Variants in MYO15A observed in about 807,000 individuals in gnomAD.
The protein encoded by MYO15A is unconventional myosin-XV.
Under a neutral mutation model 394.6 loss-of-function variants are expected in MYO15A, and 308 were observed. The ratio of observed to expected loss-of-function variants is 0.78; its 90% CI spans 0.71 to 0.86. MYO15A has a LOEUF of 0.86. Among genes scored for constraint, MYO15A ranks in the 40% least tolerant of loss-of-function variants. The pLI, the probability that MYO15A is intolerant of heterozygous loss-of-function variation, is 0.00. For synonymous variants in MYO15A, 1,957 were observed against 2,003.8 expected (o/e 0.98, Z 0.62); for missense variants, 4,606 against 4,799.1 (o/e 0.96, Z 1.19).
At chr17:18,145,690 G>C (rs2046464046) in intron 29 of MYO15A, among the ~76,000 whole-genome samples, 182 bp from the exon 30 acceptor site, 2 of 152,150 alleles carry the variant, frequency 1.3e-5, no homozygotes, top group African/African-American at 4.8e-5. Flanking sequence ...ACTCCAGTCT[G>C]GGTGACAGAG....
intron 62 of MYO15A, among the ~76,000 whole-genome samples, chr17:18,168,456 C>T (rs893741602): frequency 4.0e-5 from 6 of 151,444 alleles, no homozygotes; most frequent in Admixed American, 1.3e-4. Context: ...TCCAGCTACT[C>T]GGGAGGCTGA....
Position 18,151,253 on chromosome 17 carries a change from C to A in MYO15A, c.7617C>A (p.Ala2539=). ...GGCTCCCCATCAAGCCTGTGGCTGC[C>A]CCTGTTCTAGCTCAGGATCAGGCTT... ...APRLPIKPVA[A]PVLAQDQASP... Residue 2539 remains alanine, a synonymous_variant, in exon 39 of 66, where the codon GCC becomes GCA. Transcript: ENST00000647165. The A allele has an allele frequency of 6.2e-7, 1 of 1,614,186 alleles. No individual in the cohort carries two copies. The highest frequency in any genetic ancestry group is 8.5e-7 in the Non-Finnish European group (1 of 1,180,032).
At chr17:18,166,243 G>C in intron 60 of MYO15A, 118 bp from the exon 61 acceptor site, 1 of 1,349,452 alleles carries the variant, frequency 7.4e-7, no homozygotes, top group Admixed American at 1.9e-5. Context: ...CAGGTGGCTT[G>C]TCCGAGGTGA....
rs747856377 is a variant in MYO15A, at chr17:18,146,122, A to T, written c.6509+15A>T. The T allele has an allele frequency of 3.7e-6, 6 of 1,612,588 alleles. No individual in the cohort carries two copies. Among genetic ancestry groups the T allele is most frequent in the Non-Finnish European group, 5.1e-6 (6 of 1,179,322 alleles). On this transcript the variant is annotated intron_variant, in intron 30 of 65. Transcript: ENST00000647165. ...TACCTTCTCAAGTGAGTGGGACTGG[A>T]TAGGGGCTGGGACACGAGGGACGGT...
At chr17:18,141,561 T>A in intron 22 of MYO15A, 92 bp from the exon 23 acceptor site, 1 of 1,243,722 alleles carries the variant, frequency 8.0e-7, no homozygotes, top group South Asian at 1.2e-5. Context: ...ACCAGGCTTT[T>A]TGGACACCTG....
intron 1 of MYO15A, among the ~76,000 whole-genome samples, chr17:18,113,091 A>G (rs561343827): frequency 8.6e-5 from 13 of 151,886 alleles, no homozygotes; most frequent in Non-Finnish European, 1.9e-4. Context: ...TCAGGTAATC[A>G]GCCTACCTTG....
Position 18,121,787 on chromosome 17 carries a change from C to G in MYO15A, c.2987C>G (p.Pro996Arg), listed in dbSNP as rs201087528. ...GTCTTCCTGGGCAGACACCATGAGC[C>G]GGGGCCTGGACAGCTCACCAAATCA... ...TRVFLGRHHE[P>R]GPGQLTKSAG... Residue 996 changes from proline (P) to arginine (R), a missense_variant, in exon 2 of 66, where the codon CCG (proline) becomes CGG (arginine). Transcript: ENST00000647165. This position sits in a 1 kb window ranked among gnomAD's most constrained non-coding sequence, Gnocchi z 5.3. 3.3e-5 allele frequency: 53 copies of G among 1,611,696 alleles called. No homozygotes were observed. The highest frequency in any genetic ancestry group is 3.3e-4 in the Middle Eastern group (2 of 6,082).
At chr17:18,160,088 C>G (rs751734317) in intron 56 of MYO15A, 71 bp downstream of exon 56, 1 of 1,449,636 alleles carries the variant, frequency 6.9e-7, no homozygotes, top group Non-Finnish European at 9.5e-7. Context: ...AGTTCAGCCT[C>G]CCACCTCCTC....
Position 18,169,127 on chromosome 17 carries a change from TAATA to T in MYO15A, c.10082+1406_10082+1409del, listed in dbSNP as rs1161961105. Among the ~76,000 whole-genome samples the T allele has an allele frequency of 2.5e-5, 3 of 122,094 alleles. No homozygotes were observed. The East Asian group carries it at 6.4e-4, about 26-fold the overall frequency. The allele number at this position is 122,094 out of a possible 152,430, so 80.1% of individuals were successfully genotyped here. ...AAACTCCATCTCAAAATAATAATAA[TAATA>T]ATAATAATAATAATAATAATAATAA... On this transcript the variant is annotated intron_variant, in intron 62 of 65. Coordinates refer to ENST00000647165, the MANE Select transcript of MYO15A (RefSeq NM_016239.4).
chr17:18,111,928 C>G (rs1275635546), intron 1 of MYO15A, among the ~76,000 whole-genome samples: 2 of 152,212 alleles, frequency 1.3e-5, no homozygotes, highest in Non-Finnish European at 2.9e-5. Context: ...AGGAATGAGA[C>G]CTGACCCAGA....
Position 18,172,235 on chromosome 17 carries a change from C to T in MYO15A, c.10295C>T (p.Pro3432Leu). ...TGCAGCAACATTGCTGTGCCAGCCC[C>T]TTGCATCCTTGCCATCAACCACAAT... is the stretch of plus-strand genomic sequence containing the variant. Reference protein sequence around the residue: ...QSCSNIAVPAPCILAINHNGL... With the variant: ...QSCSNIAVPALCILAINHNGL... Residue 3432 changes from proline (P) to leucine (L), a missense_variant, in exon 64 of 66, where the codon CCT becomes CTT. By Grantham distance (98) the Pro-to-Leu change is moderately conservative (BLOSUM62 -3). Coordinates refer to ENST00000647165, the MANE Select transcript of MYO15A (RefSeq NM_016239.4). The T allele has an allele frequency of 6.2e-7, 1 of 1,614,246 alleles. No individual in the cohort carries two copies. The highest frequency in any genetic ancestry group is 8.5e-7 in the Non-Finnish European group (1 of 1,180,036).
intron 57 of MYO15A, among the ~76,000 whole-genome samples, chr17:18,161,763 A>G (rs534750233): frequency 6.6e-6 from 1 of 152,090 alleles, no homozygotes; most frequent in Non-Finnish European, 1.5e-5. Context: ...GGGAGAAGAG[A>G]AGGAGGTGGG....
intron 39 of MYO15A, 39 bp from the exon 40 acceptor site, chr17:18,151,356 G>C: frequency 6.2e-7 from 1 of 1,614,182 alleles, no homozygotes; most frequent in Non-Finnish European, 8.5e-7. Context: ...TGTGCCCCTT[G>C]TGGCCTCACC....
intron 57 of MYO15A, among the ~76,000 whole-genome samples, chr17:18,162,228 T>C (rs966910925): frequency 6.6e-6 from 1 of 152,132 alleles, no homozygotes; most frequent in Non-Finnish European, 1.5e-5. Flanking sequence ...CCAGCTGGCA[T>C]GAGCAGAGCT....
In MYO15A at chr17:18,143,814, G is replaced by A. The variant is rs369719467; in HGVS notation, c.6046+18G>A. On this transcript the variant is annotated intron_variant, in intron 27 of 65. Transcript: ENST00000647165. ...AGTGGCAGGTGGGTCAGCACCAGGC[G>A]GGGGGAGGGCCCAGGCAGATCAGAG... is the stretch of plus-strand genomic sequence containing the variant. 2.7e-5 allele frequency: 42 copies of A among 1,572,760 alleles called. No individual in the cohort carries two copies. Among genetic ancestry groups the A allele is most frequent in the Middle Eastern group, 3.3e-4 (2 of 6,016 alleles).
chr17:18,137,683 T>C lies in MYO15A; in HGVS notation c.4875+4T>C. ...GATCGTCTTCCAGGAGGAGCAGGTG[T>C]GTGGGCCCCATTAATACTCCTGTCC... On this transcript the variant is annotated splice_donor_region_variant and intron_variant, in intron 16 of 65. Transcript: ENST00000647165. The C allele has an allele frequency of 6.2e-7, 1 of 1,613,766 alleles. No individual in the cohort carries two copies. Among genetic ancestry groups the C allele is most frequent in the Non-Finnish European group, 8.5e-7 (1 of 1,179,848 alleles).
At chr17:18,134,451 C>G (rs1470384118) in intron 12 of MYO15A, among the ~76,000 whole-genome samples, 5 of 152,104 alleles carry the variant, frequency 3.3e-5, no homozygotes, top group Non-Finnish European at 7.4e-5. Flanking sequence ...TTTTCTAAGA[C>G]CTTTTATGGA....
Position 18,117,697 on chromosome 17 carries a change from G to A in MYO15A, c.-219-885G>A, listed in dbSNP as rs1345631399. The stretch of plus-strand genomic sequence containing the variant: ...AGTGAGTTAGACTGGCCACCAACCA[G>A]ACTTTGGACATGCAGCCTTAGGTCA... On this transcript the variant is annotated intron_variant, in intron 1 of 65. Coordinates refer to ENST00000647165, the MANE Select transcript of MYO15A (RefSeq NM_016239.4). This position sits in a 1 kb window ranked among gnomAD's most constrained non-coding sequence, Gnocchi z 4.1. 6.6e-6 allele frequency among the ~76,000 whole-genome samples: 1 copy of A among 152,136 alleles called. No homozygotes were observed. The highest frequency in any genetic ancestry group is 6.5e-5 in the Admixed American group (1 of 15,270).
chr17:18,131,339 A>G lies in MYO15A; in HGVS notation c.4139A>G (p.Glu1380Gly), dbSNP rs533660596. The stretch of plus-strand genomic sequence containing the variant: ...GGGAAGTTTGTGGAAATCTTTCTGG[A>G]AGGGTGAGTTGGGACAGTGGAGGGC... ...RFGKFVEIFL[E>G]GGVISGAITS... The change falls in exon 9 of 66, where the codon GAA becomes GGA. Residue 1380 changes from glutamate (E) to glycine (G), a missense_variant. By Grantham distance (98) the Glu-to-Gly change is moderately conservative (BLOSUM62 -2). This residue lies in a region of MYO15A where 2,776 missense variants were observed against 3,109.3 expected (regional missense o/e 0.89). Transcript: ENST00000647165. 1 of 1,614,108 alleles carries G rather than the reference A, an allele frequency of 6.2e-7. No individual in the cohort carries two copies. Among genetic ancestry groups the G allele is most frequent in the East Asian group, 2.2e-5 (1 of 44,868 alleles).
Sources: allele counts gnomAD v4.1 joint callset (sites outside exome capture counted in the v4.1 genomes callset), GRCh38; gene constraint gnomAD v4.1.1; regional missense constraint gnomAD v4.1.1; non-coding constraint Gnocchi (gnomAD v3.1); transcripts MANE v1.5; gene names NCBI Gene and HGNC (gene_info 2026-07-23, HGNC 2026-07-21).